The following PTPRN2 variants were observed in gnomAD, a reference collection of about 807,000 sequenced individuals.
The protein encoded by PTPRN2 is protein tyrosine phosphatase receptor type N2, also known as receptor-type tyrosine-protein phosphatase N2.
In PTPRN2, 74 loss-of-function variants were observed where a neutral mutation model predicts 118.8. That is an observed-to-expected ratio of 0.62 (90% CI 0.52 to 0.76). PTPRN2 has a LOEUF of 0.76. Ranked by LOEUF, PTPRN2 falls within the 30% of genes least tolerant of loss-of-function variation. The probability of loss-of-function intolerance (pLI) is 0.00; values close to 1 mark genes in which losing one functional copy is unlikely to be tolerated. For synonymous variants in PTPRN2, 641 were observed against 608.0 expected (o/e 1.05, Z -0.80); for missense variants, 1,481 against 1,394.4 (o/e 1.06, Z -0.99).
At chr7:157,955,837 G>A (rs537973001) in intron 11 of PTPRN2, among the ~76,000 whole-genome samples, 39 of 152,300 alleles carry the variant, frequency 2.6e-4, no homozygotes, top group Non-Finnish European at 4.3e-4. Flanking sequence ...GTCTTCATAC[G>A]TGGAGGTCAG....
At chr7:157,909,876 T>G (rs776034658) in intron 11 of PTPRN2, among the ~76,000 whole-genome samples, 32 of 152,350 alleles carry the variant, frequency 2.1e-4, no homozygotes, top group Middle Eastern at 3.4e-3. Context: ...CCTCAACGAT[T>G]ATCTGTTGAG....
intron 10 of PTPRN2, among the ~76,000 whole-genome samples, chr7:158,082,711 AC>A (rs1812930390): frequency 6.6e-6 from 1 of 151,918 alleles, no homozygotes; most frequent in Non-Finnish European, 1.5e-5. Context: ...TTCTGCGGAA[AC>A]CCTTGGAAAA....
chr7:158,382,998 C>T (rs1811074443), intron 2 of PTPRN2, among the ~76,000 whole-genome samples: 1 of 152,126 alleles, frequency 6.6e-6, no homozygotes, highest in African/African-American at 2.4e-5. Context: ...TCCCTGGTGC[C>T]AAAAAGGTTG....
intron 5 of PTPRN2, among the ~76,000 whole-genome samples, chr7:158,187,420 A>G (rs1391544099): frequency 6.6e-6 from 1 of 152,170 alleles, no homozygotes. Flanking sequence ...CAATTAAAAT[A>G]TTTCATCAGC....
At chr7:158,174,662 C>G (rs925718135) in intron 5 of PTPRN2, among the ~76,000 whole-genome samples, 1 of 152,206 alleles carries the variant, frequency 6.6e-6, no homozygotes, top group Non-Finnish European at 1.5e-5. Flanking sequence ...ATCTTGCAGA[C>G]TGAACTAGGA....
chr7:158,043,634 C>T (rs963002185), intron 11 of PTPRN2, among the ~76,000 whole-genome samples: 3 of 152,210 alleles, frequency 2.0e-5, no homozygotes, highest in African/African-American at 4.8e-5. Flanking sequence ...ACTGCAAGGC[C>T]GTCTGCATTA....
At chr7:158,273,167 T>G (rs755146245) in intron 3 of PTPRN2, among the ~76,000 whole-genome samples, 28 of 152,222 alleles carry the variant, frequency 1.8e-4, no homozygotes, top group Non-Finnish European at 4.0e-4. Context: ...GGGAGTGAGC[T>G]CGCAGGGGAG....
Position 157,808,128 on chromosome 7 carries a change from G to T in PTPRN2, c.1788+90545C>A, listed in dbSNP as rs556346828. 6.6e-6 allele frequency among the ~76,000 whole-genome samples: 1 copy of T among 152,120 alleles called. No individual in the cohort carries two copies. The highest frequency in any genetic ancestry group is 6.5e-5 in the Admixed American group (1 of 15,274). ...CAGGCATCCCCAGCCTCTGGGCCACGGACTGACACCAGTCTGTGGCCTGTT... is the reference window on the plus strand; with the variant it reads ...CAGGCATCCCCAGCCTCTGGGCCACTGACTGACACCAGTCTGTGGCCTGTT... On this transcript the variant is annotated intron_variant, in intron 12 of 22. Coordinates refer to ENST00000389418, the MANE Select transcript of PTPRN2 (RefSeq NM_002847.5). The surrounding 1 kb of genome is among the most constrained non-coding windows in gnomAD (Gnocchi z 5.0).
At position 158,337,808 on chromosome 7, in the gene PTPRN2, G is replaced by A. The variant is rs1468665584; in HGVS notation, c.164-20876C>T. Reference sequence around the variant, plus strand: ...CCACACTCTCACCATAAGAGGTGACGCCCATAGACGTCACTCACACCCACA... The same window carrying A: ...CCACACTCTCACCATAAGAGGTGACACCCATAGACGTCACTCACACCCACA... On this transcript the variant is annotated intron_variant, in intron 2 of 22. Transcript: ENST00000389418. Among the ~76,000 whole-genome samples, 41 of 4,368 alleles carry A rather than the reference G, an allele frequency of 9.4e-3. 3 individuals carry two copies. Among genetic ancestry groups the A allele is most frequent in the South Asian group, 0.05 (1 of 20 alleles). 2.9% of individuals were successfully genotyped at this position (4,368 alleles called of 152,430 possible).
At chr7:158,007,323 G>T (rs2128865537) in intron 11 of PTPRN2, among the ~76,000 whole-genome samples, 1 of 152,302 alleles carries the variant, frequency 6.6e-6, no homozygotes, top group Non-Finnish European at 1.5e-5. Context: ...GGCAGGAAGG[G>T]TAAGCAGGGG....
At chr7:158,371,785 G>A (rs1428537748) in intron 2 of PTPRN2, among the ~76,000 whole-genome samples, 3 of 152,186 alleles carry the variant, frequency 2.0e-5, no homozygotes, top group Non-Finnish European at 4.4e-5. Context: ...ATTTCCAACC[G>A]TAGGTGAATA....
rs1805405836 is a variant in PTPRN2 at position 158,003,284 on chromosome 7, G to C, written c.1723+78014C>G. Among the ~76,000 whole-genome samples, 1 of 151,686 alleles carries C rather than the reference G, an allele frequency of 6.6e-6. No individual in the cohort carries two copies. On this transcript the variant is annotated intron_variant, in intron 11 of 22. Coordinates refer to ENST00000389418, the MANE Select transcript of PTPRN2 (RefSeq NM_002847.5). This position sits in a 1 kb window ranked among gnomAD's most constrained non-coding sequence, Gnocchi z 5.0. ...AAAAAATTAGCCGGGCGTGTTGGCGGGCGCCTGTAGTCCCAGCTACTTGGG... is the reference window on the plus strand; with the variant it reads ...AAAAAATTAGCCGGGCGTGTTGGCGCGCGCCTGTAGTCCCAGCTACTTGGG...
intron 12 of PTPRN2, among the ~76,000 whole-genome samples, chr7:157,790,813 A>G (rs1804440452): frequency 6.6e-6 from 1 of 152,182 alleles, no homozygotes; most frequent in Non-Finnish European, 1.5e-5. Flanking sequence ...AGCTCCTACA[A>G]CTTGGTGAGG....
intron 12 of PTPRN2, among the ~76,000 whole-genome samples, chr7:157,828,962 G>T (rs886397936): frequency 5.9e-5 from 9 of 152,282 alleles, no homozygotes; most frequent in African/African-American, 2.2e-4. Context: ...TATGCATCAT[G>T]GTTTTTATAA....
intron 10 of PTPRN2, among the ~76,000 whole-genome samples, chr7:158,082,953 G>A (rs535470585): frequency 2.6e-5 from 4 of 152,292 alleles, no homozygotes; most frequent in African/African-American, 9.6e-5. Flanking sequence ...TCCCCACTAT[G>A]GGCCCTCAGA....
chr7:157,894,287 T>A (rs972630384), intron 12 of PTPRN2, among the ~76,000 whole-genome samples: 1 of 152,228 alleles, frequency 6.6e-6, no homozygotes, highest in African/African-American at 2.4e-5. Context: ...TGGGAGCTGC[T>A]GCTGAAGTGG....
rs751599713 is a variant in PTPRN2, at chr7:157,591,966, C to A, written c.2496+3272G>T. On this transcript the variant is annotated intron_variant, in intron 17 of 22. Coordinates refer to ENST00000389418, the MANE Select transcript of PTPRN2 (RefSeq NM_002847.5). This position sits in a 1 kb window ranked among gnomAD's most constrained non-coding sequence, Gnocchi z 4.4. ...AGAGGCTCTGCTCGGCTGGCATGCT[C>A]GAGAACATCCTGGGAGGGCTGAGGC... Among the ~76,000 whole-genome samples, 1 of 152,162 alleles carries A rather than the reference C, an allele frequency of 6.6e-6. No homozygotes were observed. The highest frequency in any genetic ancestry group is 2.4e-5 in the African/African-American group (1 of 41,428).
rs1812394902 is a variant in PTPRN2 at position 158,395,715 on chromosome 7, G to GCGAGGC, written c.164-78784_164-78783insGCCTCG. 1.3e-4 allele frequency among the ~76,000 whole-genome samples: 3 copies of GCGAGGC among 22,258 alleles called. 1 individual carries two copies. The East Asian group carries it at 7.8e-3, about 58-fold the overall frequency. 14.6% of individuals were successfully genotyped at this position (22,258 alleles called of 152,430 possible). On this transcript the variant is annotated intron_variant, in intron 2 of 22. Transcript: ENST00000389418. ...GAGGGGCGAGGGGCGAGGGGCGAGG[G>GCGAGGC]GCGAGGCGCGAGGGGAGAGGGGAGA...
intron 3 of PTPRN2, among the ~76,000 whole-genome samples, chr7:158,316,473 C>T (rs749092323): frequency 2.0e-5 from 3 of 152,222 alleles, no homozygotes; most frequent in Non-Finnish European, 4.4e-5. Context: ...CAGGCAGAGG[C>T]TGATTCTCTC....
Sources: allele counts gnomAD v4.1 joint callset (sites outside exome capture counted in the v4.1 genomes callset), GRCh38; gene constraint gnomAD v4.1.1; non-coding constraint Gnocchi (gnomAD v3.1); transcripts MANE v1.5; gene names NCBI Gene and HGNC (gene_info 2026-07-23, HGNC 2026-07-21).